MANEA: variants seen among roughly 807,000 people sequenced by gnomAD.
MANEA encodes the protein glycoprotein endo-alpha-1,2-mannosidase.
MANEA carries 25 observed loss-of-function variants against 36.8 expected under a neutral mutation model. That is an observed-to-expected ratio of 0.68 (90% CI 0.50 to 0.95). MANEA has a LOEUF of 0.95. MANEA is among the 40% of genes least tolerant of loss of function. MANEA has a pLI of 0.00. For missense variants in MANEA, 565 were observed against 558.8 expected (o/e 1.01, Z -0.11); for synonymous variants, 198 against 188.5 (o/e 1.05, Z -0.41).
chr6:95,601,476 T>A (rs1387608115), intron 3 of MANEA, among the ~76,000 whole-genome samples: 2 of 152,172 alleles, frequency 1.3e-5, no homozygotes, highest in Non-Finnish European at 2.9e-5. Flanking sequence ...TCTTATTCTC[T>A]TTTATAAGAA....
At chr6:95,602,641 A>G (rs1291050909) in intron 3 of MANEA, among the ~76,000 whole-genome samples, 1 of 152,202 alleles carries the variant, frequency 6.6e-6, no homozygotes, top group Non-Finnish European at 1.5e-5. Context: ...GAATTCTGTT[A>G]TTTTAAAATT....
chr6:95,587,072 C>A, intron 2 of MANEA, 89 bp downstream of exon 2: 1 of 779,426 alleles, frequency 1.3e-6, no homozygotes, highest in South Asian at 1.7e-5. Context: ...TTAATTTTCT[C>A]ATTATTATTA....
In MANEA at chr6:95,609,148, CTA is replaced by C. The variant is rs1482530286; in HGVS notation, c.*2746_*2747del. 3 of 151,678 alleles carry C rather than the reference CTA, an allele frequency of 2.0e-5. No individual in the cohort carries two copies. Among genetic ancestry groups the C allele is most frequent in the Non-Finnish European group, 4.4e-5 (3 of 67,678 alleles). The allele number at this position is 151,678 out of a possible 1,614,324, so 9.4% of individuals were successfully genotyped here. On this transcript the variant is annotated 3_prime_UTR_variant, in exon 5 of 5. Coordinates refer to ENST00000358812, the MANE Select transcript of MANEA (RefSeq NM_024641.4). ...AAAGAATGTATTTCTTAATTCAAAA[CTA>C]TACGTTTGAATTCAATATGGTATAA...
At chr6:95,602,968 C>T (rs1330743763) in intron 3 of MANEA, among the ~76,000 whole-genome samples, 1 of 140,854 alleles carries the variant, frequency 7.1e-6, no homozygotes, top group East Asian at 2.1e-4. Context: ...TGCAGTGAGC[C>T]GAGATTGCGC....
chr6:95,583,882 T>A (rs1427161946), intron 1 of MANEA, among the ~76,000 whole-genome samples: 1 of 152,230 alleles, frequency 6.6e-6, no homozygotes, highest in Non-Finnish European at 1.5e-5. Context: ...TGATTTTAGC[T>A]GTTAAAGAAA....
intron 2 of MANEA, among the ~76,000 whole-genome samples, chr6:95,589,706 C>CT (rs1253252340): frequency 1.3e-5 from 2 of 151,832 alleles, no homozygotes; most frequent in Non-Finnish European, 2.9e-5. Context: ...TGAATGCCTT[C>CT]TTTTTTTTAT....
chr6:95,597,894 C>T (rs1232636813), intron 3 of MANEA, among the ~76,000 whole-genome samples: 1 of 151,648 alleles, frequency 6.6e-6, no homozygotes, highest in East Asian at 1.9e-4. Context: ...AATAGGCAAG[C>T]CATTGGTGAG....
rs1332947475 is a variant in MANEA at position 95,582,006 on chromosome 6, T to C, written c.-39+4368T>C. Among the ~76,000 whole-genome samples, 3 of 152,154 alleles carry C rather than the reference T, an allele frequency of 2.0e-5. No homozygotes were observed. The East Asian group carries it at 5.8e-4, about 29-fold the overall frequency. ...GTGTATCTTTAATACAGATATGATATTATATATCATAGTAGTTGATATATT... is the reference window on the plus strand; with the variant it reads ...GTGTATCTTTAATACAGATATGATACTATATATCATAGTAGTTGATATATT... On this transcript the variant is annotated intron_variant, in intron 1 of 4. Coordinates refer to ENST00000358812, the MANE Select transcript of MANEA (RefSeq NM_024641.4).
chr6:95,602,628 A>G (rs1267033974), intron 3 of MANEA, among the ~76,000 whole-genome samples: 1 of 152,230 alleles, frequency 6.6e-6, no homozygotes, highest in Non-Finnish European at 1.5e-5. Flanking sequence ...CATTTTATGT[A>G]TAGAATTCTG....
At chr6:95,604,010 T>C (rs943512282) in intron 3 of MANEA, among the ~76,000 whole-genome samples, 1 of 151,666 alleles carries the variant, frequency 6.6e-6, no homozygotes, top group Non-Finnish European at 1.5e-5. Context: ...CTGCTCTCTA[T>C]GTTTACATAT....
At chr6:95,596,486 T>C (rs929633041) in intron 2 of MANEA, among the ~76,000 whole-genome samples, 5 of 152,146 alleles carry the variant, frequency 3.3e-5, no homozygotes, top group African/African-American at 1.2e-4. Flanking sequence ...GCTATTTTTA[T>C]GTAAACCTAA....
chr6:95,604,009 A>C (rs538677248), intron 3 of MANEA, among the ~76,000 whole-genome samples: 25 of 150,838 alleles, frequency 1.7e-4, no homozygotes, highest in African/African-American at 6.1e-4. Flanking sequence ...ACTGCTCTCT[A>C]TGTTTACATA....
intron 1 of MANEA, among the ~76,000 whole-genome samples, chr6:95,581,863 T>C (rs981304780): frequency 1.3e-5 from 2 of 152,184 alleles, no homozygotes; most frequent in Non-Finnish European, 2.9e-5. Context: ...AGAATACCTA[T>C]CCAAATGTTT....
chr6:95,583,494 C>T (rs1438856587), intron 1 of MANEA, among the ~76,000 whole-genome samples: 1 of 151,718 alleles, frequency 6.6e-6, no homozygotes, highest in Admixed American at 6.6e-5. Context: ...GTATGCATAT[C>T]GTATATACAG....
chr6:95,585,768 T>G (rs1448323265), intron 1 of MANEA, among the ~76,000 whole-genome samples: 1 of 152,234 alleles, frequency 6.6e-6, no homozygotes, highest in Non-Finnish European at 1.5e-5. Context: ...TAGTTAAAAA[T>G]TTTTTAGAAA....
chr6:95,605,854 A>C lies in MANEA; in HGVS notation c.838A>C (p.Asn280His), dbSNP rs1297362203. Residue 280 changes from asparagine (N) to histidine (H), a missense_variant, in exon 5 of 5, where the codon AAT becomes CAT. Transcript: ENST00000358812. Reference protein sequence around the residue: ...SYITKPEKWANLLTTSGSRSI... With the variant: ...SYITKPEKWAHLLTTSGSRSI... ...TATTACCAAGCCTGAAAAATGGGCCAATCTGTTAACCACCTCAGGGTCTCG... is the reference window on the plus strand; with the variant it reads ...TATTACCAAGCCTGAAAAATGGGCCCATCTGTTAACCACCTCAGGGTCTCG... 6.2e-7 allele frequency: 1 copy of C among 1,613,904 alleles called. No homozygotes were observed. Among genetic ancestry groups the C allele is most frequent in the Admixed American group, 1.7e-5 (1 of 59,970 alleles).
At chr6:95,592,699 A>G (rs182011110) in intron 2 of MANEA, among the ~76,000 whole-genome samples, 62 of 152,260 alleles carry the variant, frequency 4.1e-4, no homozygotes, top group Middle Eastern at 6.8e-3. Context: ...AGTGTTATTT[A>G]TAATCACTTT....
chr6:95,586,927 C>T lies in MANEA; in HGVS notation c.488C>T (p.Ser163Phe). ...SFYPELGSYS[S>F]RDPSVIETHM... ...TATCCTGAATTGGGAAGTTACAGTT[C>T]TCGGGATCCTTCTGTCATAGAAACT... The change falls in exon 2 of 5, where the codon TCT (serine) becomes TTT (phenylalanine). Residue 163 changes from serine (S) to phenylalanine (F), a missense_variant. By Grantham distance (155) the Ser-to-Phe change is radical. Transcript: ENST00000358812. 1 of 1,613,036 alleles carries T rather than the reference C, an allele frequency of 6.2e-7. No individual in the cohort carries two copies.
rs1044357129 is a variant in MANEA at position 95,607,760 on chromosome 6, A to G, written c.*1355A>G. On this transcript the variant is annotated 3_prime_UTR_variant, in exon 5 of 5. Transcript: ENST00000358812. ...ATTCTTACAGTTAATGTTTATAACT[A>G]TAGTAAAAAATTAATATATATCCTA... 1 of 151,726 alleles carries G rather than the reference A, an allele frequency of 6.6e-6. No homozygotes were observed. Among genetic ancestry groups the G allele is most frequent in the African/African-American group, 2.4e-5 (1 of 41,430 alleles). 9.4% of individuals were successfully genotyped at this position (151,726 alleles called of 1,614,324 possible). A position where few individuals can be genotyped will look rare whatever the true frequency, so the allele number is the denominator to read the frequency against.
Sources: allele counts gnomAD v4.1 joint callset (sites outside exome capture counted in the v4.1 genomes callset), GRCh38; gene constraint gnomAD v4.1.1; transcripts MANE v1.5; gene names NCBI Gene and HGNC (gene_info 2026-07-23, HGNC 2026-07-21).